CUX1: variants seen among roughly 807,000 people sequenced by gnomAD.
CUX1 encodes the protein protein CASP.
Under a neutral mutation model 158.8 loss-of-function variants are expected in CUX1, and 31 were observed. That is an observed-to-expected ratio of 0.20 (90% CI 0.15 to 0.26). The LOEUF is 0.26. Among genes scored for constraint, CUX1 ranks in the 10% least tolerant of loss-of-function variants. The pLI is 1.00. For synonymous variants in CUX1, 879 were observed against 862.1 expected (o/e 1.02, Z -0.34); for missense variants, 1,589 against 2,014.6 (o/e 0.79, Z 4.04).
intron 1 of CUX1, among the ~76,000 whole-genome samples, chr7:101,856,255 A>G (rs1158426630): frequency 6.6e-6 from 1 of 152,010 alleles, no homozygotes; most frequent in Non-Finnish European, 1.5e-5. Context: ...AGTGTGCAGT[A>G]AAGCACAAGT....
At chr7:102,143,097 A>G (rs1275668942) in intron 8 of CUX1, among the ~76,000 whole-genome samples, 3 of 152,090 alleles carry the variant, frequency 2.0e-5, no homozygotes, top group African/African-American at 4.8e-5. Flanking sequence ...AGGGGGCTCA[A>G]TGGATGGCAG....
intron 3 of CUX1, among the ~76,000 whole-genome samples, chr7:102,045,128 A>G (rs1307333533): frequency 1.3e-5 from 2 of 152,214 alleles, no homozygotes; most frequent in Non-Finnish European, 1.5e-5. Context: ...ATGATGGCTC[A>G]ATTAGGGACC....
intron 2 of CUX1, among the ~76,000 whole-genome samples, chr7:102,018,735 A>AGTGC (rs59444071): frequency 1.1e-3 from 164 of 151,666 alleles, no homozygotes; most frequent in African/African-American, 3.6e-3. Context: ...GGAGAGCTTG[A>AGTGC]GTGCGTGCGT....
intron 1 of CUX1, among the ~76,000 whole-genome samples, chr7:101,910,439 C>T (rs1031693588): frequency 6.6e-6 from 1 of 152,076 alleles, no homozygotes. Context: ...ATCCACTGTT[C>T]CCGGCCCACA....
rs1789829239 is a variant in CUX1, at chr7:102,255,798, C to A, written c.*6756C>A. The A allele has an allele frequency of 1.0e-6, 1 of 985,050 alleles. No homozygotes were observed. 61.0% of individuals were successfully genotyped at this position (985,050 alleles called of 1,614,324 possible). On this transcript the variant is annotated 3_prime_UTR_variant, in exon 24 of 24. Transcript: ENST00000292535. ...ACGGAGCTGCTTTTGTTTTATAATT[C>A]TTTTTTCCCCCCTTTTCCTTCTTCT...
intron 4 of CUX1, among the ~76,000 whole-genome samples, chr7:102,070,665 A>G (rs868584492): frequency 1.3e-5 from 2 of 152,228 alleles, no homozygotes; most frequent in Non-Finnish European, 2.9e-5. Context: ...GTAAAAGCAG[A>G]GATCCAAATC....
At chr7:102,075,176 T>C (rs1323090194) in intron 4 of CUX1, among the ~76,000 whole-genome samples, 1 of 152,120 alleles carries the variant, frequency 6.6e-6, no homozygotes, top group Non-Finnish European at 1.5e-5. Context: ...GAGCATTTTG[T>C]CACCAACTCT....
At chr7:102,139,619 ACTCAT>A (rs1264148581) in intron 8 of CUX1, among the ~76,000 whole-genome samples, 1 of 152,204 alleles carries the variant, frequency 6.6e-6, no homozygotes, top group African/African-American at 2.4e-5. Flanking sequence ...CATAGCAAGA[ACTCAT>A]CTCTACTAAA....
At chr7:102,034,030 C>T (rs187972341) in intron 3 of CUX1, among the ~76,000 whole-genome samples, 77 of 148,028 alleles carry the variant, frequency 5.2e-4, no homozygotes, top group Admixed American at 9.1e-4. Flanking sequence ...CCTGTAATCC[C>T]GGCTACTTGG....
intron 20 of CUX1, among the ~76,000 whole-genome samples, chr7:102,212,504 G>A (rs949829363): frequency 3.3e-5 from 5 of 152,144 alleles, no homozygotes; most frequent in Admixed American, 2.0e-4. Flanking sequence ...CAGAGTCACC[G>A]ATTTATTTGA....
Position 102,255,245 on chromosome 7 carries a change from G to A in CUX1, c.*6203G>A, listed in dbSNP as rs145697418. On this transcript the variant is annotated 3_prime_UTR_variant, in exon 24 of 24. Transcript: ENST00000292535. The stretch of plus-strand genomic sequence containing the variant: ...CACCACCTTCCCTCCAAAGATAACC[G>A]TGTCCATGCCATCCGTGGCATCATC... 48 of 985,402 alleles carry A rather than the reference G, an allele frequency of 4.9e-5. No homozygotes were observed. In the African/African-American group the frequency reaches 5.8e-4, roughly 12 times the overall value. The allele number at this position is 985,402 out of a possible 1,614,324, so 61.0% of individuals were successfully genotyped here. A position where few individuals can be genotyped will look rare whatever the true frequency, so the allele number is the denominator to read the frequency against.
At chr7:102,117,299 G>A (rs1386732204) in intron 8 of CUX1, among the ~76,000 whole-genome samples, 1 of 147,290 alleles carries the variant, frequency 6.8e-6, no homozygotes, top group African/African-American at 2.5e-5. Flanking sequence ...TGAGGTGGCT[G>A]AGGCAGGAGA....
rs948411656 is a variant in CUX1 at position 102,201,365 on chromosome 7, C to G, written c.2068C>G (p.Pro690Ala). The G allele has an allele frequency of 1.9e-6, 3 of 1,612,550 alleles. No individual in the cohort carries two copies. The highest frequency in any genetic ancestry group is 2.7e-5 in the African/African-American group (2 of 74,928). ...ACCCCTGTTTCTCCATGCAGCAGAG[C>G]CGGCCCAGCCTTCCTCCGCATCCGG... ...RELQVQKTAE[P>A]AQPSSASGSG... Residue 690 changes from proline to alanine, a missense_variant, in exon 18 of 24, where the codon CCG becomes GCG. Coordinates refer to ENST00000292535, the MANE Select transcript of CUX1 (RefSeq NM_181552.4). This position sits in a 1 kb window ranked among gnomAD's most constrained non-coding sequence, Gnocchi z 5.0.
intron 2 of CUX1, among the ~76,000 whole-genome samples, chr7:101,988,112 T>C (rs1427846651): frequency 6.6e-6 from 1 of 151,946 alleles, no homozygotes; most frequent in African/African-American, 2.4e-5. Flanking sequence ...CTTGGGAGAC[T>C]GAGGCAGGAG....
intron 20 of CUX1, among the ~76,000 whole-genome samples, chr7:102,214,090 C>A (rs1262263263): frequency 2.0e-5 from 3 of 151,756 alleles, no homozygotes; most frequent in Non-Finnish European, 2.9e-5. Context: ...CGAGATCACG[C>A]CACTGCACTC....
intron 16 of CUX1, 119 bp from the exon 17 acceptor site, chr7:102,199,952 C>T: frequency 1.4e-6 from 1 of 730,306 alleles, no homozygotes; most frequent in Non-Finnish European, 2.2e-6. Flanking sequence ...GAGGCCACAT[C>T]TGCCTCCTTG....
intron 18 of CUX1, among the ~76,000 whole-genome samples, chr7:102,278,827 G>A (rs1241448522): frequency 3.3e-5 from 5 of 151,660 alleles, no homozygotes; most frequent in Non-Finnish European, 5.9e-5. Context: ...AGGCCGAGGC[G>A]GGTGGAGTTT....
At chr7:102,282,183 A>G (rs2974958) in intron 21 of CUX1, among the ~76,000 whole-genome samples, 136,623 of 152,230 alleles carry the variant, frequency 0.9, 61,525 homozygotes, top group East Asian at 0.97. Context: ...ACTGGTCCTG[A>G]ACGGGCTTCA....
At chr7:102,193,213 C>T (rs1269603173) in intron 12 of CUX1, among the ~76,000 whole-genome samples, 1 of 152,240 alleles carries the variant, frequency 6.6e-6, no homozygotes, top group African/African-American at 2.4e-5. Flanking sequence ...TCTCTGGCTT[C>T]TCCTTACAAC....
Sources: gnomAD v4.1 joint callset for allele counts (sites outside exome capture counted in the v4.1 genomes callset) on GRCh38, gnomAD v4.1.1 for gene constraint, Gnocchi (gnomAD v3.1) non-coding constraint, MANE v1.5 for transcripts, NCBI Gene and HGNC (gene_info 2026-07-23, HGNC 2026-07-21) for gene names.